Variants in ASTN1 observed in about 807,000 individuals in gnomAD.
ASTN1 encodes astrotactin 1, also known as astrotactin-1.
A neutral mutation model predicts 140.7 loss-of-function variants in ASTN1; 41 were observed. The ratio of observed to expected loss-of-function variants is 0.29; its 90% confidence interval spans 0.23 to 0.38. The LOEUF is 0.38. Ranked by LOEUF, ASTN1 falls within the 10% of genes least tolerant of loss-of-function variation. The pLI, the probability that ASTN1 is intolerant of heterozygous loss-of-function variation, is 1.00. For missense variants in ASTN1, 1,479 were observed against 1,678.8 expected (o/e 0.88, Z 2.08); for synonymous variants, 640 against 652.2 (o/e 0.98, Z 0.29).
intron 8 of ASTN1, among the ~76,000 whole-genome samples, chr1:176,970,845 A>G (rs1330896493): frequency 6.6e-6 from 1 of 151,994 alleles, no homozygotes; most frequent in Admixed American, 6.6e-5. Context: ...GGGCTTTAAG[A>G]AACTATGAGC....
chr1:176,941,155 T>C lies in ASTN1; in HGVS notation c.2377+2736A>G, dbSNP rs546282582. 9.8e-5 allele frequency among the ~76,000 whole-genome samples: 15 copies of C among 152,298 alleles called. No individual in the cohort carries two copies. In the South Asian group the frequency reaches 2.9e-3, roughly 29 times the overall value. ...GTAGATACAGTGAAATGATATAAGA[T>C]TCCCTATGTAAGTCTAGGAAAGATA... On this transcript the variant is annotated intron_variant, in intron 14 of 22. Coordinates refer to ENST00000361833, the MANE Select transcript of ASTN1 (RefSeq NM_004319.3).
chr1:176,873,889 C>T (rs1222710584), intron 21 of ASTN1, among the ~76,000 whole-genome samples: 1 of 152,130 alleles, frequency 6.6e-6, no homozygotes, highest in Non-Finnish European at 1.5e-5. Context: ...TTGGGTTGAC[C>T]CGAAGGAGCC....
At chr1:176,914,257 A>G (rs989922399) in intron 16 of ASTN1, among the ~76,000 whole-genome samples, 3 of 152,214 alleles carry the variant, frequency 2.0e-5, no homozygotes, top group African/African-American at 7.2e-5. Flanking sequence ...CCTAAATTCT[A>G]TGGTAGAGAC....
chr1:176,864,336 T>C lies in ASTN1; in HGVS notation c.3833A>G (p.Glu1278Gly), dbSNP rs1487525746. The C allele has an allele frequency of 6.2e-7, 1 of 1,614,118 alleles. No individual in the cohort carries two copies. The highest frequency in any genetic ancestry group is 1.7e-5 in the Admixed American group (1 of 60,026). The change falls in exon 23 of 23, where the codon GAG becomes GGG. Residue 1278 changes from glutamate (E) to glycine (G), a missense_variant. Glu to Gly is a moderately conservative substitution (Grantham distance 98, BLOSUM62 -2). Around this residue, in one of 3 missense-constraint regions of ASTN1, gnomAD observed 746 missense variants for 800.9 expected, o/e 0.93. Transcript: ENST00000361833. ...GTTGTAGGGGATACTCAGGGTCTGCTCCTCACACGTCTTCCTGAGGTCCCG... is the reference window on the plus strand; with the variant it reads ...GTTGTAGGGGATACTCAGGGTCTGCCCCTCACACGTCTTCCTGAGGTCCCG... ...LSRDLRKTCE[E>G]QTLSIPYNDY...
At chr1:176,964,483 G>GC (rs982711184) in intron 9 of ASTN1, among the ~76,000 whole-genome samples, 13 of 152,188 alleles carry the variant, frequency 8.5e-5, no homozygotes, top group Admixed American at 1.3e-4. Context: ...AACTGTTTCA[G>GC]CTAAGGCCTA....
chr1:176,907,075 A>G (rs1406056547), intron 16 of ASTN1, among the ~76,000 whole-genome samples: 1 of 152,170 alleles, frequency 6.6e-6, no homozygotes, highest in Non-Finnish European at 1.5e-5. Flanking sequence ...GGAACATTCC[A>G]GAGAATGAGT....
intron 16 of ASTN1, among the ~76,000 whole-genome samples, chr1:176,930,793 G>C (rs1168912421): frequency 5.3e-5 from 8 of 152,180 alleles, no homozygotes; most frequent in Non-Finnish European, 1.2e-4. Context: ...TGAGGAAGTA[G>C]AGAAAAGAGG....
At chr1:177,013,594 C>T (rs1050518758) in intron 8 of ASTN1, among the ~76,000 whole-genome samples, 4 of 152,126 alleles carry the variant, frequency 2.6e-5, no homozygotes, top group East Asian at 1.9e-4. Context: ...CAGAATCACA[C>T]GGAAGGGGCA....
At chr1:176,981,211 C>CAAAAAAA (rs35209486) in intron 8 of ASTN1, among the ~76,000 whole-genome samples, 5 of 24,062 alleles carry the variant, frequency 2.1e-4, no homozygotes, top group African/African-American at 3.2e-4. Flanking sequence ...GACTCTGTCT[C>CAAAAAAA]AAAAAAAAAA....
At chr1:177,112,443 T>C (rs1348975952) in intron 1 of ASTN1, among the ~76,000 whole-genome samples, 2 of 152,220 alleles carry the variant, frequency 1.3e-5, no homozygotes, top group African/African-American at 4.8e-5. Flanking sequence ...TAAAGGATTC[T>C]GTGTATTCCA....
intron 1 of ASTN1, among the ~76,000 whole-genome samples, chr1:177,090,157 G>T (rs906167035): frequency 6.6e-6 from 1 of 151,392 alleles, no homozygotes; most frequent in Non-Finnish European, 1.5e-5. Context: ...CAATTTTTAC[G>T]AGAGCCAACC....
At chr1:177,093,236 C>G (rs1049638296) in intron 1 of ASTN1, among the ~76,000 whole-genome samples, 1 of 152,198 alleles carries the variant, frequency 6.6e-6, no homozygotes, top group Non-Finnish European at 1.5e-5. Flanking sequence ...GACTAGCATT[C>G]TGCCTTCTCC....
intron 8 of ASTN1, among the ~76,000 whole-genome samples, chr1:176,966,239 A>G (rs973403092): frequency 2.0e-5 from 3 of 152,194 alleles, no homozygotes; most frequent in African/African-American, 7.2e-5. Flanking sequence ...ATTATTTGGG[A>G]CTAATTCTAA....
intron 8 of ASTN1, among the ~76,000 whole-genome samples, chr1:176,997,175 G>A (rs1301643184): frequency 6.6e-6 from 1 of 152,226 alleles, no homozygotes; most frequent in East Asian, 1.9e-4. Flanking sequence ...CACTCCACAA[G>A]CCAGGCACTC....
chr1:176,893,896 A>G (rs909351708), intron 17 of ASTN1, among the ~76,000 whole-genome samples: 2 of 152,222 alleles, frequency 1.3e-5, no homozygotes, highest in Non-Finnish European at 2.9e-5. Flanking sequence ...ACAGTTCTCC[A>G]GCCCTTCTTT....
intron 1 of ASTN1, among the ~76,000 whole-genome samples, chr1:177,097,263 A>G (rs969163653): frequency 1.3e-5 from 2 of 152,142 alleles, no homozygotes; most frequent in South Asian, 4.2e-4. Flanking sequence ...TCAGGGAAAG[A>G]TCCCATTATT....
At chr1:177,128,778 G>A (rs1487958134) in intron 1 of ASTN1, among the ~76,000 whole-genome samples, 2 of 152,176 alleles carry the variant, frequency 1.3e-5, no homozygotes, top group Non-Finnish European at 2.9e-5. Context: ...AAAGAATTTG[G>A]AGAAGTCGGT....
intron 2 of ASTN1, among the ~76,000 whole-genome samples, chr1:177,039,121 T>C (rs753468915): frequency 1.3e-5 from 2 of 152,238 alleles, no homozygotes; most frequent in Non-Finnish European, 2.9e-5. Context: ...CCAGCTACCA[T>C]CTGTCAAGAG....
intron 1 of ASTN1, among the ~76,000 whole-genome samples, chr1:177,139,714 A>G (rs1414182759): frequency 6.6e-6 from 1 of 152,194 alleles, no homozygotes; most frequent in East Asian, 1.9e-4. Context: ...TTGTCTACAG[A>G]GAGCATCAAG....
Sources: allele counts gnomAD v4.1 joint callset (sites outside exome capture counted in the v4.1 genomes callset), GRCh38; gene constraint gnomAD v4.1.1; regional missense constraint gnomAD v4.1.1; transcripts MANE v1.5; gene names NCBI Gene and HGNC (gene_info 2026-07-23, HGNC 2026-07-21).